The following TRPM8 variants were observed in gnomAD, a reference collection of about 807,000 sequenced individuals.
The protein encoded by TRPM8 is TRPM8 cationic channel.
Under a neutral mutation model 133.7 loss-of-function variants are expected in TRPM8, and 110 were observed. The observed-to-expected ratio is 0.82, with a 90% confidence interval of 0.70 to 0.96. The LOEUF (loss-of-function observed/expected upper bound fraction) is 0.96, where lower values mean the gene tolerates loss of function less well. Ranked by LOEUF, TRPM8 falls within the 40% of genes least tolerant of loss-of-function variation. The pLI, the probability that TRPM8 is intolerant of heterozygous loss-of-function variation, is 0.00. For missense variants in TRPM8, 1,291 were observed against 1,379.5 expected (o/e 0.94, Z 1.02); for synonymous variants, 535 against 532.3 (o/e 1.01, Z -0.07).
Position 233,964,772 on chromosome 2 carries a change from T to C in TRPM8, c.1879+15T>C. ...CCGGGCTGTTGGTGAGTCCACAGTG[T>C]GGAATGCTGTGGTGGGCGCGGATCT... On this transcript the variant is annotated intron_variant, in intron 14 of 25. Coordinates refer to ENST00000324695, the MANE Select transcript of TRPM8 (RefSeq NM_024080.5). 1 of 1,593,334 alleles carries C rather than the reference T, an allele frequency of 6.3e-7. No individual in the cohort carries two copies. Among genetic ancestry groups the C allele is most frequent in the Non-Finnish European group, 8.6e-7 (1 of 1,164,978 alleles).
chr2:234,004,423 A>C (rs757662944), intron 22 of TRPM8, among the ~76,000 whole-genome samples: 17 of 152,206 alleles, frequency 1.1e-4, no homozygotes, highest in Non-Finnish European at 1.9e-4. Flanking sequence ...AAACCGCAGC[A>C]CTTGGCGGCT....
intron 6 of TRPM8, chr2:233,943,066 T>A: frequency 3.1e-6 from 1 of 319,306 alleles, no homozygotes. Context: ...AACTGCAGTA[T>A]CTTTTTTTTT....
intron 22 of TRPM8, among the ~76,000 whole-genome samples, chr2:234,001,771 G>T (rs553165813): frequency 4.0e-4 from 61 of 152,358 alleles, no homozygotes; most frequent in African/African-American, 1.4e-3. Flanking sequence ...AAAGGCACAT[G>T]GGCTGGGCCT....
intron 3 of TRPM8, among the ~76,000 whole-genome samples, chr2:233,934,215 T>A (rs1306222334): frequency 6.6e-6 from 1 of 151,794 alleles, no homozygotes; most frequent in Admixed American, 6.6e-5. Flanking sequence ...GATGAGGGGG[T>A]ACTCAGCAGG....
chr2:233,968,889 C>T (rs1691640089), intron 15 of TRPM8, among the ~76,000 whole-genome samples: 1 of 152,080 alleles, frequency 6.6e-6, no homozygotes, highest in African/African-American at 2.4e-5. Flanking sequence ...ACATGCATTT[C>T]AGCCTGAATT....
chr2:233,965,054 G>GT (rs1691532827), intron 14 of TRPM8, among the ~76,000 whole-genome samples: 4 of 13,334 alleles, frequency 3.0e-4, no homozygotes, highest in Middle Eastern at 0.043. Context: ...TTTTTTTTGT[G>GT]GGGGGGGGGG....
intron 8 of TRPM8, among the ~76,000 whole-genome samples, chr2:233,948,718 G>A (rs1410151197): frequency 2.0e-5 from 3 of 152,142 alleles, no homozygotes; most frequent in African/African-American, 7.2e-5. Context: ...GGGTAGGAGA[G>A]GTGAGGTGAA....
chr2:233,936,875 T>C (rs1354883831), intron 3 of TRPM8, among the ~76,000 whole-genome samples: 1 of 149,842 alleles, frequency 6.7e-6, no homozygotes, highest in African/African-American at 2.5e-5. Flanking sequence ...ATCAAACTAG[T>C]TTCTTTCTTT....
intron 11 of TRPM8, among the ~76,000 whole-genome samples, chr2:233,956,140 T>G (rs950916643): frequency 1.2e-4 from 19 of 152,086 alleles, no homozygotes; most frequent in African/African-American, 4.6e-4. Context: ...AAGTGCACAA[T>G]AAATGGAATG....
chr2:234,018,415 T>C lies in TRPM8; in HGVS notation c.*1159T>C, dbSNP rs555683110. 6.6e-6 allele frequency: 1 copy of C among 151,416 alleles called. No individual in the cohort carries two copies. The highest frequency in any genetic ancestry group is 1.5e-5 in the Non-Finnish European group (1 of 67,806). The allele number at this position is 151,416 out of a possible 1,614,324, so 9.4% of individuals were successfully genotyped here. ...TTCCAAGGTTAGATTCCAATAAATA[T>C]CTATTTATTATTAAATATTAAAATA... On this transcript the variant is annotated 3_prime_UTR_variant, in exon 26 of 26. Transcript: ENST00000324695.
intron 5 of TRPM8, among the ~76,000 whole-genome samples, chr2:233,939,985 A>G (rs1447172893): frequency 6.6e-6 from 1 of 152,052 alleles, no homozygotes; most frequent in African/African-American, 2.4e-5. Context: ...TAATTATCTC[A>G]ACAAGGTCCT....
intron 17 of TRPM8, among the ~76,000 whole-genome samples, chr2:233,977,927 A>C (rs1450423579): frequency 6.6e-6 from 1 of 152,244 alleles, no homozygotes; most frequent in Non-Finnish European, 1.5e-5. Flanking sequence ...AATAATGCTT[A>C]TCACAAGTGG....
Position 233,969,692 on chromosome 2 carries a change from T to C in TRPM8, c.2026-3T>C. 6.3e-7 allele frequency: 1 copy of C among 1,579,992 alleles called. No homozygotes were observed. On this transcript the variant is annotated splice_polypyrimidine_tract_variant and splice_region_variant and intron_variant, in intron 15 of 25. Transcript: ENST00000324695. ...CTTGTTCTCTGTCTTTGTTTCCCTGTAGAATTTTCTTTCTAAGCAATGGTA... is the reference window on the plus strand; with the variant it reads ...CTTGTTCTCTGTCTTTGTTTCCCTGCAGAATTTTCTTTCTAAGCAATGGTA...
intron 9 of TRPM8, among the ~76,000 whole-genome samples, chr2:233,952,588 A>C (rs10166496): frequency 0.2 from 30,902 of 151,566 alleles, 6,168 homozygotes; most frequent in African/African-American, 0.5. Flanking sequence ...CTTGTGAGGG[A>C]CCAGCCCAGG....
intron 22 of TRPM8, among the ~76,000 whole-genome samples, chr2:234,005,068 T>C (rs183148897): frequency 6.6e-6 from 1 of 152,330 alleles, no homozygotes; most frequent in Non-Finnish European, 1.5e-5. Context: ...TATGCATTCG[T>C]TTCTGAGCAC....
chr2:234,002,300 C>T (rs150755946), intron 22 of TRPM8, among the ~76,000 whole-genome samples: 56 of 152,060 alleles, frequency 3.7e-4, no homozygotes, highest in African/African-American at 1.1e-3. Flanking sequence ...TTGCAGGAGA[C>T]GAGAGTAAGG....
In TRPM8 at chr2:233,961,011, G is replaced by A; in HGVS notation, c.1598G>A (p.Arg533Lys). The A allele has an allele frequency of 6.2e-7, 1 of 1,614,176 alleles. No individual in the cohort carries two copies. Among genetic ancestry groups the A allele is most frequent in the Non-Finnish European group, 8.5e-7 (1 of 1,180,040 alleles). Residue 533 changes from arginine to lysine, a missense_variant, in exon 12 of 26, where the codon AGA (arginine) becomes AAA (lysine). Around this residue, in one of 2 missense-constraint regions of TRPM8, gnomAD observed 963 missense variants for 968.9 expected, o/e 0.99. Transcript: ENST00000324695. ...TGGAAACTGGTTGCGAACTTCCGAA[G>A]AGGCTTCCGGAAGGAAGACAGAAAT... ...FVWKLVANFR[R>K]GFRKEDRNGR...
intron 8 of TRPM8, among the ~76,000 whole-genome samples, chr2:233,949,552 G>T (rs1462532029): frequency 2.0e-5 from 3 of 152,088 alleles, no homozygotes; most frequent in Admixed American, 1.3e-4. Flanking sequence ...TATGAGTATT[G>T]GTTACTACTA....
intron 11 of TRPM8, among the ~76,000 whole-genome samples, chr2:233,960,378 G>C (rs1691402702): frequency 6.6e-6 from 1 of 152,158 alleles, no homozygotes; most frequent in Non-Finnish European, 1.5e-5. Context: ...ACTTCAAAGA[G>C]GTGGTTCCAG....
Sources: gnomAD v4.1 joint callset for allele counts (sites outside exome capture counted in the v4.1 genomes callset) on GRCh38, gnomAD v4.1.1 for gene constraint, gnomAD v4.1.1 regional missense constraint, MANE v1.5 for transcripts, NCBI Gene and HGNC (gene_info 2026-07-23, HGNC 2026-07-21) for gene names.